The following DEUP1 variants were observed in gnomAD, a reference collection of about 807,000 sequenced individuals.
DEUP1 encodes coiled-coil domain containing 67.
Under a neutral mutation model 87.4 loss-of-function variants are expected in DEUP1, and 82 were observed. That is an observed-to-expected ratio of 0.94 (90% CI 0.78 to 1.13). The LOEUF (loss-of-function observed/expected upper bound fraction) is 1.13, where lower values mean the gene tolerates loss of function less well. DEUP1 is among the 50% of genes most tolerant of loss of function. The pLI, the probability that DEUP1 is intolerant of heterozygous loss-of-function variation, is 0.00. For synonymous variants in DEUP1, 214 were observed against 222.7 expected, an observed-to-expected ratio of 0.96 and a Z score of 0.35; for missense variants, 663 against 681.5, an observed-to-expected ratio of 0.97 and a Z score of 0.30.
At chr11:93,359,470 A>G (rs150843976) in intron 4 of DEUP1, among the ~76,000 whole-genome samples, 1,866 of 152,320 alleles carry the variant, frequency 0.012, 16 homozygotes, top group Non-Finnish European at 0.018. Context: ...TCATTTATAA[A>G]ACAACATAAG....
intron 7 of DEUP1, 45 bp downstream of exon 7, chr11:93,371,325 T>C: frequency 6.4e-7 from 1 of 1,566,622 alleles, no homozygotes; most frequent in Non-Finnish European, 8.7e-7. Flanking sequence ...ATGACTTGTA[T>C]AAATGGTAAC....
At chr11:93,356,116 A>G (rs1364049345) in intron 3 of DEUP1, among the ~76,000 whole-genome samples, 1 of 152,222 alleles carries the variant, frequency 6.6e-6, no homozygotes, top group East Asian at 1.9e-4. Flanking sequence ...GCATTCAGGA[A>G]AACCATATGC....
intron 11 of DEUP1, among the ~76,000 whole-genome samples, chr11:93,407,616 T>C (rs2605576): frequency 0.47 from 70,775 of 151,766 alleles, 17,126 homozygotes; most frequent in Admixed American, 0.61. Flanking sequence ...GTTGGTAGTA[T>C]GGAATATTTA....
At chr11:93,354,917 C>T (rs1338971384) in intron 2 of DEUP1, among the ~76,000 whole-genome samples, 2 of 152,148 alleles carry the variant, frequency 1.3e-5, no homozygotes, top group African/African-American at 4.8e-5. Flanking sequence ...AAATTCCTCT[C>T]CTTGAGGAGC....
chr11:93,359,886 T>A (rs1945083803), intron 4 of DEUP1, among the ~76,000 whole-genome samples: 1 of 152,194 alleles, frequency 6.6e-6, no homozygotes, highest in African/African-American at 2.4e-5. Context: ...GGGTAATGTC[T>A]GAGAAGACTG....
intron 2 of DEUP1, among the ~76,000 whole-genome samples, chr11:93,347,987 A>G (rs57487624): frequency 0.012 from 1,854 of 152,052 alleles, 38 homozygotes; most frequent in African/African-American, 0.043. Context: ...TGACCCGCCC[A>G]CCTCAGCCTC....
intron 13 of DEUP1, among the ~76,000 whole-genome samples, chr11:93,415,551 C>A (rs556628741): frequency 6.6e-6 from 1 of 152,044 alleles, no homozygotes; most frequent in African/African-American, 2.4e-5. Flanking sequence ...TGAGTTATCA[C>A]AAAGGGAATG....
At chr11:93,364,525 A>AT (rs1404979394) in intron 5 of DEUP1, among the ~76,000 whole-genome samples, 1 of 151,592 alleles carries the variant, frequency 6.6e-6, no homozygotes, top group East Asian at 1.9e-4. Flanking sequence ...ATTTTGGGAG[A>AT]TTAAAAAAAA....
chr11:93,413,097 G>C (rs1041388663), intron 12 of DEUP1, among the ~76,000 whole-genome samples: 2 of 152,126 alleles, frequency 1.3e-5, no homozygotes, highest in African/African-American at 4.8e-5. Context: ...CCAGAGAAAA[G>C]TAATGTGAAA....
chr11:93,437,443 C>T lies in DEUP1; in HGVS notation c.1639-100C>T, dbSNP rs147049502. 2,369 of 808,480 alleles carry T rather than the reference C, an allele frequency of 2.9e-3. 15 individuals carry two copies. The highest frequency in any genetic ancestry group is 0.015 in the Middle Eastern group (64 of 4,262). 50.1% of individuals were successfully genotyped at this position (808,480 alleles called of 1,614,324 possible). On this transcript the variant is annotated intron_variant, in intron 13 of 13. Transcript: ENST00000298050. ...GGATGTATTCTTTCATTAAGAGCTG[C>T]GGTGTTTGACAGTATGTCAGGGATG...
chr11:93,409,741 C>G (rs767859631), intron 12 of DEUP1, among the ~76,000 whole-genome samples: 2 of 152,036 alleles, frequency 1.3e-5, no homozygotes, highest in African/African-American at 4.8e-5. Flanking sequence ...TTGTCACCCT[C>G]GATTTTCTAT....
chr11:93,408,309 A>C lies in DEUP1; in HGVS notation c.1405A>C (p.Asn469His), dbSNP rs891504111. Residue 469 changes from asparagine to histidine, a missense_variant, in exon 12 of 14, where the codon AAT becomes CAT. Transcript: ENST00000298050. ...GCAATATGAGAATGAAAGGCTCCGAAATGATCTTGCAAAACTTCATGTCAA... is the reference window on the plus strand; with the variant it reads ...GCAATATGAGAATGAAAGGCTCCGACATGATCTTGCAAAACTTCATGTCAA... ...KLQYENERLR[N>H]DLAKLHVNGK... The C allele has an allele frequency of 3.8e-6, 6 of 1,580,350 alleles. No homozygotes were observed. The African/African-American group carries it at 6.7e-5, about 18-fold the overall frequency.
chr11:93,395,113 A>C (rs903037692), intron 10 of DEUP1, among the ~76,000 whole-genome samples: 5 of 152,188 alleles, frequency 3.3e-5, no homozygotes, highest in Non-Finnish European at 4.4e-5. Flanking sequence ...AAATTAGTTC[A>C]TATTTACTGA....
rs77938571 is a variant in DEUP1, at chr11:93,432,773, T to C, written c.1639-4770T>C. 7.6e-3 allele frequency among the ~76,000 whole-genome samples: 1,154 copies of C among 151,660 alleles called. 15 individuals are homozygous for C. Among genetic ancestry groups the C allele is most frequent in the African/African-American group, 0.027 (1,113 of 41,318 alleles). ...ATGATGGATAGTGAAAAGTAAAGAG[T>C]CTAAATGAGGTCAGAGAAATGCTGG... On this transcript the variant is annotated intron_variant, in intron 13 of 13. Coordinates refer to ENST00000298050, the MANE Select transcript of DEUP1 (RefSeq NM_181645.4).
chr11:93,352,159 G>A, intron 2 of DEUP1: 2 of 506,128 alleles, frequency 4.0e-6, no homozygotes, highest in Non-Finnish European at 7.1e-6. Flanking sequence ...GAAACTAAAT[G>A]GAGGAAATGC....
intron 5 of DEUP1, among the ~76,000 whole-genome samples, chr11:93,369,451 CAA>C (rs35149531): frequency 6.3e-4 from 82 of 130,068 alleles, no homozygotes; most frequent in Admixed American, 7.0e-4. Context: ...GTGGCAAATG[CAA>C]AAAAAAAAAA....
At chr11:93,338,579 G>GT (rs1358173759) in intron 2 of DEUP1, among the ~76,000 whole-genome samples, 1 of 151,358 alleles carries the variant, frequency 6.6e-6, no homozygotes, top group Non-Finnish European at 1.5e-5. Flanking sequence ...TTTTTGTTTT[G>GT]TTTTTTGTAG....
At chr11:93,377,662 T>A (rs938922843) in intron 7 of DEUP1, among the ~76,000 whole-genome samples, 2 of 152,182 alleles carry the variant, frequency 1.3e-5, no homozygotes, top group African/African-American at 4.8e-5. Context: ...TCATGCTAGT[T>A]GTTGCCTGAA....
chr11:93,369,111 A>G (rs1172731043), intron 5 of DEUP1, among the ~76,000 whole-genome samples: 3 of 152,076 alleles, frequency 2.0e-5, no homozygotes, highest in Non-Finnish European at 4.4e-5. Context: ...GTTCACAGAT[A>G]GCTGTCTGCT....
Sources: allele counts gnomAD v4.1 joint callset (sites outside exome capture counted in the v4.1 genomes callset), GRCh38; gene constraint gnomAD v4.1.1; transcripts MANE v1.5; gene names NCBI Gene and HGNC (gene_info 2026-07-23, HGNC 2026-07-21).